Variants in WWC2 observed in about 807,000 individuals in gnomAD.
WWC2 encodes the protein WW and C2 domain containing 2, also known as protein WWC2.
A neutral mutation model predicts 138.5 loss-of-function variants in WWC2; 101 were observed. The ratio of observed to expected loss-of-function variants is 0.73; its 90% CI spans 0.62 to 0.86. The LOEUF is 0.86. Among genes scored for constraint, WWC2 ranks in the 40% least tolerant of loss-of-function variants. The probability of loss-of-function intolerance (pLI) is 0.00; values close to 1 mark genes in which losing one functional copy is unlikely to be tolerated. For missense variants in WWC2, 1,420 were observed against 1,419.4 expected (o/e 1.00, Z -0.01); for synonymous variants, 558 against 538.4 (o/e 1.04, Z -0.50).
intron 22 of WWC2, 36 bp downstream of exon 22, chr4:183,312,504 C>A: frequency 6.2e-7 from 1 of 1,610,958 alleles, no homozygotes; most frequent in South Asian, 1.1e-5. Context: ...TTTGGGTTGC[C>A]CTCACGGGGT....
intron 1 of WWC2, among the ~76,000 whole-genome samples, chr4:183,115,763 A>G (rs950864501): frequency 3.3e-5 from 5 of 152,078 alleles, no homozygotes; most frequent in Non-Finnish European, 7.4e-5. Context: ...TGTCAGATGC[A>G]TAGTTTGCAT....
At chr4:183,157,117 A>T (rs771004394) in intron 1 of WWC2, among the ~76,000 whole-genome samples, 1 of 152,180 alleles carries the variant, frequency 6.6e-6, no homozygotes, top group Admixed American at 6.5e-5. Context: ...TCCACATCCA[A>T]TTCAGGCTCA....
intron 4 of WWC2, among the ~76,000 whole-genome samples, chr4:183,213,906 CTTTAAA>C (rs1735676346): frequency 6.7e-6 from 1 of 150,302 alleles, no homozygotes; most frequent in African/African-American, 2.5e-5. Context: ...GCAAATTAAA[CTTTAAA>C]TTCAATTGCC....
intron 4 of WWC2, among the ~76,000 whole-genome samples, chr4:183,214,377 T>C (rs1735688889): frequency 6.6e-6 from 1 of 152,210 alleles, no homozygotes. Context: ...TTTAAAAGAA[T>C]GGCAGTCAAA....
intron 4 of WWC2, among the ~76,000 whole-genome samples, chr4:183,228,094 C>T (rs924734647): frequency 2.6e-5 from 4 of 151,874 alleles, no homozygotes; most frequent in African/African-American, 9.7e-5. Flanking sequence ...AACAAAGATA[C>T]AGAAAAGTTA....
Position 183,253,760 on chromosome 4 carries a change from G to A in WWC2, c.957G>A (p.Met319Ile). The stretch of plus-strand genomic sequence containing the variant: ...TCTTCTATCTTTTTTTTTTTAGTAT[G>A]GCCAACTTAAAAATTGAACTGTCAA... ...SLQYEEAKRS[M>I]ANLKIELSKL... Residue 319 changes from methionine (M) to isoleucine (I), a missense_variant, in exon 9 of 23, where the codon ATG (methionine) becomes ATA (isoleucine). Coordinates refer to ENST00000403733, the MANE Select transcript of WWC2 (RefSeq NM_024949.6). The A allele has an allele frequency of 5.6e-6, 9 of 1,600,448 alleles. No individual in the cohort carries two copies. The highest frequency in any genetic ancestry group is 7.7e-6 in the Non-Finnish European group (9 of 1,176,108).
chr4:183,177,137 A>G (rs1734491830), intron 1 of WWC2, among the ~76,000 whole-genome samples: 1 of 152,236 alleles, frequency 6.6e-6, no homozygotes, highest in South Asian at 2.1e-4. Context: ...ATAGCATTAA[A>G]GAAATCAACT....
chr4:183,120,996 C>T (rs1470922120), intron 1 of WWC2, among the ~76,000 whole-genome samples: 7 of 152,302 alleles, frequency 4.6e-5, no homozygotes, highest in African/African-American at 1.7e-4. Flanking sequence ...GCCGGCAGAT[C>T]ACTTGAGCCC....
intron 8 of WWC2, among the ~76,000 whole-genome samples, 172 bp downstream of exon 8, chr4:183,250,165 C>A (rs753421886): frequency 6.6e-6 from 1 of 150,728 alleles, no homozygotes; most frequent in African/African-American, 2.4e-5. Flanking sequence ...TTCTTCCCCC[C>A]GCCCTCCACC....
chr4:183,197,922 G>A (rs1458405338), intron 2 of WWC2, among the ~76,000 whole-genome samples: 4 of 152,140 alleles, frequency 2.6e-5, no homozygotes, highest in African/African-American at 9.7e-5. Context: ...CCTCCCTACT[G>A]CGGCAGACAT....
intron 1 of WWC2, among the ~76,000 whole-genome samples, chr4:183,172,052 CTCT>C (rs1346938385): frequency 6.6e-6 from 1 of 152,234 alleles, no homozygotes; most frequent in African/African-American, 2.4e-5. Flanking sequence ...TAATAATCAT[CTCT>C]TTTTTCCATT....
chr4:183,156,088 G>A (rs185347277), intron 1 of WWC2, among the ~76,000 whole-genome samples: 68 of 151,768 alleles, frequency 4.5e-4, no homozygotes, highest in Non-Finnish European at 6.3e-4. Context: ...GTACAGTGGC[G>A]TGATCTCGGC....
intron 1 of WWC2, among the ~76,000 whole-genome samples, chr4:183,114,169 G>A (rs775746555): frequency 6.6e-6 from 1 of 151,958 alleles, no homozygotes; most frequent in Admixed American, 6.6e-5. Flanking sequence ...TTAAGTGTAC[G>A]GCACCACCTC....
chr4:183,204,701 T>G (rs1462843070), intron 2 of WWC2, among the ~76,000 whole-genome samples: 1 of 152,224 alleles, frequency 6.6e-6, no homozygotes, highest in Non-Finnish European at 1.5e-5. Flanking sequence ...CATGTAACTA[T>G]CACAATAATC....
At chr4:183,154,332 C>G (rs149694141) in intron 1 of WWC2, among the ~76,000 whole-genome samples, 4 of 152,250 alleles carry the variant, frequency 2.6e-5, no homozygotes, top group Non-Finnish European at 4.4e-5. Context: ...AAGTCAAAGG[C>G]TTATTATGAG....
intron 18 of WWC2, among the ~76,000 whole-genome samples, chr4:183,283,925 A>ATTTT: frequency 6.6e-6 from 1 of 152,326 alleles, no homozygotes; most frequent in South Asian, 2.1e-4. Context: ...TTTTATGTTC[A>ATTTT]ACCCTTTGGA....
intron 1 of WWC2, among the ~76,000 whole-genome samples, chr4:183,105,808 T>G (rs1293717017): frequency 2.0e-5 from 3 of 150,944 alleles, no homozygotes; most frequent in Non-Finnish European, 4.4e-5. Flanking sequence ...GAGAATGGCG[T>G]GAACCCGGGA....
At chr4:183,180,108 A>C (rs1734583046) in intron 1 of WWC2, among the ~76,000 whole-genome samples, 1 of 152,172 alleles carries the variant, frequency 6.6e-6, no homozygotes, top group Non-Finnish European at 1.5e-5. Context: ...TGAAACTATA[A>C]AAGGGGCAGG....
chr4:183,215,600 G>C (rs1735732277), intron 4 of WWC2, among the ~76,000 whole-genome samples: 1 of 152,148 alleles, frequency 6.6e-6, no homozygotes, highest in East Asian at 1.9e-4. Context: ...TGAGTAGAGT[G>C]AACTTTAATA....
Sources: allele counts gnomAD v4.1 joint callset (sites outside exome capture counted in the v4.1 genomes callset), GRCh38; gene constraint gnomAD v4.1.1; transcripts MANE v1.5; gene names NCBI Gene and HGNC (gene_info 2026-07-23, HGNC 2026-07-21).